PDE10A: variants seen among roughly 807,000 people sequenced by gnomAD.
The protein encoded by PDE10A is cAMP and cAMP-inhibited cGMP 3',5'-cyclic phosphodiesterase 10A.
In PDE10A, 39 loss-of-function variants were observed where a neutral mutation model predicts 97.7. The observed-to-expected ratio is 0.40, with a 90% confidence interval of 0.31 to 0.52. PDE10A has a LOEUF of 0.52. Ranked by LOEUF, PDE10A falls within the 20% of genes least tolerant of loss-of-function variation. PDE10A has a pLI of 0.56. For missense variants in PDE10A, 731 were observed against 1,047.8 expected (o/e 0.70, Z 4.17); for synonymous variants, 371 against 376.8 (o/e 0.98, Z 0.18).
intron 1 of PDE10A, among the ~76,000 whole-genome samples, chr6:165,609,413 C>A (rs1787384269): frequency 1.3e-5 from 2 of 152,132 alleles, no homozygotes; most frequent in Admixed American, 1.3e-4. Context: ...ACTGAATGGG[C>A]AAAAACTGGA....
At chr6:165,853,290 T>C (rs1321461537) in intron 1 of PDE10A, among the ~76,000 whole-genome samples, 2 of 152,248 alleles carry the variant, frequency 1.3e-5, no homozygotes, top group African/African-American at 4.8e-5. Flanking sequence ...CTGGAAATAT[T>C]CACTTGCTTT....
At chr6:165,960,084 T>C (rs1784311276) in intron 1 of PDE10A, among the ~76,000 whole-genome samples, 1 of 152,096 alleles carries the variant, frequency 6.6e-6, no homozygotes, top group Non-Finnish European at 1.5e-5. Flanking sequence ...GGGGATTTGA[T>C]ACAATTAAAC....
At chr6:165,765,161 C>T (rs1338835318) in intron 1 of PDE10A, among the ~76,000 whole-genome samples, 4 of 152,244 alleles carry the variant, frequency 2.6e-5, no homozygotes, top group African/African-American at 4.8e-5. Flanking sequence ...TATTTACAAT[C>T]CCTGAGCTAG....
rs139375210 is a variant in PDE10A, at chr6:165,616,605, T to A, written c.865+45342A>T. Among the ~76,000 whole-genome samples the A allele has an allele frequency of 1.4e-3, 209 of 152,328 alleles. 1 individual carries two copies. Among genetic ancestry groups the A allele is most frequent in the African/African-American group, 4.8e-3 (200 of 41,580 alleles). On this transcript the variant is annotated intron_variant, in intron 1 of 21. Coordinates refer to ENST00000539869, the MANE Select transcript of PDE10A (RefSeq NM_001385079.1). ...ATCATGTTAACGCTCTTGGCTTGGATGCAAAATTAATATCCTACAAGGAAA... is the reference window on the plus strand; with the variant it reads ...ATCATGTTAACGCTCTTGGCTTGGAAGCAAAATTAATATCCTACAAGGAAA...
chr6:165,340,190 A>G (rs1339380862), intron 19 of PDE10A, among the ~76,000 whole-genome samples: 2 of 152,238 alleles, frequency 1.3e-5, no homozygotes, highest in Non-Finnish European at 2.9e-5. Flanking sequence ...TAAAGATTTT[A>G]GAAATTATCT....
intron 1 of PDE10A, 123 bp from the exon 2 acceptor site, chr6:165,543,691 G>C (rs966140885): frequency 1.5e-5 from 10 of 689,026 alleles, no homozygotes; most frequent in Non-Finnish European, 2.3e-5. Context: ...GAGAGGGCTG[G>C]AAAGAGCGGG....
chr6:165,456,629 C>T (rs1777969264), intron 3 of PDE10A, among the ~76,000 whole-genome samples: 1 of 152,172 alleles, frequency 6.6e-6, no homozygotes, highest in African/African-American at 2.4e-5. Flanking sequence ...CGTCTCTGGG[C>T]TTTAGTTTTC....
At chr6:165,867,473 G>A (rs1327644904) in intron 1 of PDE10A, among the ~76,000 whole-genome samples, 1 of 151,946 alleles carries the variant, frequency 6.6e-6, no homozygotes, top group Non-Finnish European at 1.5e-5. Context: ...TTCAGCAAGA[G>A]GATGTAACAA....
chr6:165,800,841 G>A (rs908476577), intron 1 of PDE10A, among the ~76,000 whole-genome samples: 4 of 152,182 alleles, frequency 2.6e-5, no homozygotes, highest in Admixed American at 6.5e-5. Flanking sequence ...AGAGGGCAGC[G>A]TCCAGCCAGA....
At chr6:165,375,199 G>A (rs986897134) in intron 18 of PDE10A, among the ~76,000 whole-genome samples, 4 of 152,142 alleles carry the variant, frequency 2.6e-5, no homozygotes, top group African/African-American at 9.7e-5. Context: ...AGCTAGAAGT[G>A]ACTAAACTTA....
intron 1 of PDE10A, among the ~76,000 whole-genome samples, chr6:165,681,394 ATGTGTGTGTGTG>A (rs145137771): frequency 2.7e-4 from 41 of 150,570 alleles, no homozygotes; most frequent in Admixed American, 2.3e-3. Flanking sequence ...TCTTGGGAAA[ATGTGTGTGTGTG>A]TGTGTGTGTG....
At chr6:165,500,020 A>G (rs1451565862) in intron 2 of PDE10A, among the ~76,000 whole-genome samples, 1 of 152,214 alleles carries the variant, frequency 6.6e-6, no homozygotes, top group Non-Finnish European at 1.5e-5. Flanking sequence ...CTTTCCTACT[A>G]AGATGGAGAA....
In PDE10A at chr6:165,523,742, T is replaced by C. The variant is rs143522951; in HGVS notation, c.994+19698A>G. ...TTTATGACTCAGTTTTCAAAAGTAA[T>C]TGCAATAAAAACAAAAATTGACAAA... On this transcript the variant is annotated intron_variant, in intron 2 of 21. Coordinates refer to ENST00000539869, the MANE Select transcript of PDE10A (RefSeq NM_001385079.1). 2.0e-4 allele frequency among the ~76,000 whole-genome samples: 30 copies of C among 152,236 alleles called. No homozygotes were observed. In the East Asian group the frequency reaches 5.8e-3, roughly 29 times the overall value.
At chr6:165,904,040 A>G (rs1031718991) in intron 1 of PDE10A, among the ~76,000 whole-genome samples, 1 of 152,188 alleles carries the variant, frequency 6.6e-6, no homozygotes, top group Non-Finnish European at 1.5e-5. Flanking sequence ...GGATGGAAAC[A>G]TTGGTTTCAA....
At chr6:165,966,016 A>T (rs760125244) in intron 1 of PDE10A, among the ~76,000 whole-genome samples, 2 of 152,268 alleles carry the variant, frequency 1.3e-5, no homozygotes, top group Non-Finnish European at 2.9e-5. Flanking sequence ...AATCACCGTC[A>T]TCGGAAAACA....
At chr6:165,825,933 G>C (rs1196361331) in intron 1 of PDE10A, among the ~76,000 whole-genome samples, 2 of 151,958 alleles carry the variant, frequency 1.3e-5, no homozygotes, top group African/African-American at 4.8e-5. Context: ...TTTTTTCTCA[G>C]AGATCCTAAA....
chr6:165,928,613 T>A (rs576421668), intron 1 of PDE10A, among the ~76,000 whole-genome samples: 1 of 152,186 alleles, frequency 6.6e-6, no homozygotes, highest in Non-Finnish European at 1.5e-5. Flanking sequence ...CTGGAAAGCA[T>A]CCACTCTACA....
At chr6:165,920,436 T>C (rs1782721929) in intron 1 of PDE10A, among the ~76,000 whole-genome samples, 1 of 152,082 alleles carries the variant, frequency 6.6e-6, no homozygotes, top group Non-Finnish European at 1.5e-5. Flanking sequence ...CAGAAATAGG[T>C]TGTAGTAAAA....
intron 2 of PDE10A, among the ~76,000 whole-genome samples, chr6:165,542,457 A>G (rs1783494833): frequency 8.1e-6 from 1 of 123,854 alleles, no homozygotes; most frequent in South Asian, 2.2e-4. Context: ...AGACTAAGAG[A>G]ACAACATGCA....
Sources: allele counts gnomAD v4.1 joint callset (sites outside exome capture counted in the v4.1 genomes callset), GRCh38; gene constraint gnomAD v4.1.1; transcripts MANE v1.5; gene names NCBI Gene and HGNC (gene_info 2026-07-23, HGNC 2026-07-21).